The following VAT1L variants were observed in gnomAD, a reference collection of about 807,000 sequenced individuals.
The protein encoded by VAT1L is vesicle amine transport 1 like, also known as putative NADPH-dependent quinone oxidoreductase VAT1L.
In VAT1L, 34 loss-of-function variants were observed where a neutral mutation model predicts 44.1. The observed-to-expected ratio is 0.77, with a 90% CI of 0.59 to 1.03. The LOEUF (loss-of-function observed/expected upper bound fraction) is 1.03. VAT1L is among the 50% of genes least tolerant of loss of function. VAT1L has a pLI of 0.00. For synonymous variants in VAT1L, 253 were observed against 202.2 expected (o/e 1.25, Z -2.13); for missense variants, 615 against 538.8 (o/e 1.14, Z -1.40).
chr16:77,905,917 G>C (rs150161116), intron 7 of VAT1L, among the ~76,000 whole-genome samples: 165 of 152,264 alleles, frequency 1.1e-3, no homozygotes, highest in African/African-American at 3.8e-3. Flanking sequence ...ATTTACTCCA[G>C]ACTTAATTTT....
At chr16:77,799,849 T>C (rs1438340332) in intron 1 of VAT1L, among the ~76,000 whole-genome samples, 3 of 152,210 alleles carry the variant, frequency 2.0e-5, no homozygotes, top group Non-Finnish European at 4.4e-5. Context: ...TTGGTAATCT[T>C]GGAAGTTCTA....
chr16:77,789,784 C>CT (rs2015799827), intron 1 of VAT1L, among the ~76,000 whole-genome samples: 1 of 152,128 alleles, frequency 6.6e-6, no homozygotes, highest in Non-Finnish European at 1.5e-5. Context: ...CCCCATTCCC[C>CT]CTGGGGGAAC....
chr16:77,826,602 T>C (rs1484117282), intron 3 of VAT1L, among the ~76,000 whole-genome samples: 4 of 152,178 alleles, frequency 2.6e-5, no homozygotes, highest in Non-Finnish European at 5.9e-5. Context: ...TGGCAGAAAC[T>C]TCTCTCATGG....
intron 7 of VAT1L, among the ~76,000 whole-genome samples, chr16:77,957,598 G>C (rs1041427098): frequency 6.6e-6 from 1 of 151,848 alleles, no homozygotes; most frequent in Non-Finnish European, 1.5e-5. Context: ...GGTGGCACGT[G>C]CCTGTAATCC....
At chr16:77,869,544 C>T (rs937454024) in intron 4 of VAT1L, among the ~76,000 whole-genome samples, 2 of 152,172 alleles carry the variant, frequency 1.3e-5, no homozygotes, top group Non-Finnish European at 2.9e-5. Flanking sequence ...TGGTGTACAC[C>T]TGTAGTCCCA....
chr16:77,836,269 T>G (rs1424705497), intron 3 of VAT1L, among the ~76,000 whole-genome samples: 1 of 152,118 alleles, frequency 6.6e-6, no homozygotes, highest in African/African-American at 2.4e-5. Flanking sequence ...CAGAAACACC[T>G]GCACCTCGCT....
chr16:77,943,380 C>CTTTTTT (rs773527946), intron 7 of VAT1L, among the ~76,000 whole-genome samples: 3 of 125,874 alleles, frequency 2.4e-5, no homozygotes, highest in Admixed American at 8.9e-5. Context: ...CTTTTTCTTT[C>CTTTTTT]TTTTTTTTTT....
intron 3 of VAT1L, among the ~76,000 whole-genome samples, chr16:77,850,517 C>G (rs1194758627): frequency 2.0e-5 from 3 of 152,120 alleles, no homozygotes; most frequent in Admixed American, 6.5e-5. Context: ...GCCTAAGACA[C>G]AGTTTATGCC....
intron 7 of VAT1L, among the ~76,000 whole-genome samples, chr16:77,952,552 T>A (rs1007611023): frequency 6.6e-6 from 1 of 152,034 alleles, no homozygotes; most frequent in Non-Finnish European, 1.5e-5. Context: ...GCCAGCACTA[T>A]GCTTCCCATA....
At chr16:77,944,573 C>T (rs77309398) in intron 7 of VAT1L, among the ~76,000 whole-genome samples, 5,429 of 152,188 alleles carry the variant, frequency 0.036, 122 homozygotes, top group Middle Eastern at 0.068. Context: ...AAATAATGCA[C>T]CTGTCTTGTA....
Position 77,788,738 on chromosome 16 carries a change from A to G in VAT1L, c.56A>G (p.Glu19Gly), listed in dbSNP as rs1442388777. The G allele has an allele frequency of 5.8e-6, 9 of 1,560,154 alleles. No individual in the cohort carries two copies. The highest frequency in any genetic ancestry group is 6.9e-6 in the Non-Finnish European group (8 of 1,151,606). ...AEETEQMIEK[E>G]AGKEPAEGGG... ...GAGACGGAGCAAATGATCGAGAAGG[A>G]GGCAGGCAAGGAGCCGGCGGAGGGC... Residue 19 changes from glutamate (E) to glycine (G), a missense_variant, in exon 1 of 9, where the codon GAG becomes GGG. Transcript: ENST00000302536.
intron 7 of VAT1L, among the ~76,000 whole-genome samples, chr16:77,909,154 T>C (rs1161806241): frequency 6.6e-6 from 1 of 152,208 alleles, no homozygotes; most frequent in Non-Finnish European, 1.5e-5. Context: ...TTTATCCCTA[T>C]GGATTACAGA....
intron 7 of VAT1L, among the ~76,000 whole-genome samples, chr16:77,918,040 G>A (rs942207011): frequency 6.6e-6 from 1 of 152,184 alleles, no homozygotes; most frequent in Non-Finnish European, 1.5e-5. Context: ...GACACAGCCT[G>A]AATCTTTTCT....
At chr16:77,945,897 G>A (rs919752680) in intron 7 of VAT1L, among the ~76,000 whole-genome samples, 4 of 151,356 alleles carry the variant, frequency 2.6e-5, no homozygotes, top group African/African-American at 9.7e-5. Context: ...CTGCTTCCCG[G>A]TTCAAGTGAT....
intron 2 of VAT1L, among the ~76,000 whole-genome samples, chr16:77,820,470 C>G (rs2016433272): frequency 6.6e-6 from 1 of 152,178 alleles, no homozygotes; most frequent in African/African-American, 2.4e-5. Context: ...AGCTCGAGCT[C>G]TGTAGGGGTG....
intron 7 of VAT1L, among the ~76,000 whole-genome samples, chr16:77,950,367 C>G (rs2018026976): frequency 6.7e-6 from 1 of 149,874 alleles, no homozygotes; most frequent in Admixed American, 6.7e-5. Flanking sequence ...TGAGAGCATG[C>G]CACTGCACTC....
intron 7 of VAT1L, among the ~76,000 whole-genome samples, chr16:77,948,171 A>C (rs7203646): frequency 0.13 from 20,161 of 151,616 alleles, 1,412 homozygotes; most frequent in Middle Eastern, 0.22. Context: ...CTCCTCCCAC[A>C]CTCTGTTGGA....
chr16:77,860,865 A>G (rs542872340), intron 3 of VAT1L, among the ~76,000 whole-genome samples: 22 of 152,278 alleles, frequency 1.4e-4, no homozygotes, highest in African/African-American at 4.3e-4. Context: ...CAACATGTCT[A>G]TTTTAGGTAG....
chr16:77,932,554 C>G (rs765950277), intron 7 of VAT1L, among the ~76,000 whole-genome samples: 1 of 152,202 alleles, frequency 6.6e-6, no homozygotes, highest in African/African-American at 2.4e-5. Context: ...TACAAGTTCA[C>G]AAGATTTTGG....
Sources: allele counts gnomAD v4.1 joint callset (sites outside exome capture counted in the v4.1 genomes callset), GRCh38; gene constraint gnomAD v4.1.1; transcripts MANE v1.5; gene names NCBI Gene and HGNC (gene_info 2026-07-23, HGNC 2026-07-21).